Variants in PLBD1 observed in about 807,000 individuals in gnomAD.
PLBD1 encodes lysosomal leucine aminopeptidase.
A neutral mutation model predicts 63.0 loss-of-function variants in PLBD1; 60 were observed. The ratio of observed to expected loss-of-function variants is 0.95; its 90% CI spans 0.77 to 1.18. The LOEUF (loss-of-function observed/expected upper bound fraction) is 1.18. PLBD1 is among the 50% of genes most tolerant of loss of function. The pLI is 0.00. For synonymous variants in PLBD1, 262 were observed against 248.0 expected, an observed-to-expected ratio of 1.06 and a Z score of -0.53; for missense variants, 598 against 677.9, an observed-to-expected ratio of 0.88 and a Z score of 1.31.
chr12:14,530,929 A>G (rs902421491), intron 6 of PLBD1: 3 of 152,074 alleles, frequency 2.0e-5, no homozygotes, highest in African/African-American at 4.8e-5. Context: ...AGGGACAGAA[A>G]CTCCTAGAAC....
intron 5 of PLBD1, 155 bp from the exon 6 acceptor site, chr12:14,535,958 C>A: frequency 2.9e-6 from 2 of 690,732 alleles, no homozygotes; most frequent in Non-Finnish European, 2.3e-6. Flanking sequence ...TCAAGATTAA[C>A]CTTTAATGTG....
At chr12:14,543,094 A>G (rs1005307127) in intron 2 of PLBD1, among the ~76,000 whole-genome samples, 3 of 152,258 alleles carry the variant, frequency 2.0e-5, no homozygotes, top group Admixed American at 2.0e-4. Context: ...TGGGATTTTA[A>G]CATTCTTGGA....
At chr12:14,521,749 C>T (rs1237263912) in intron 6 of PLBD1, among the ~76,000 whole-genome samples, 1 of 151,842 alleles carries the variant, frequency 6.6e-6, no homozygotes, top group Non-Finnish European at 1.5e-5. Context: ...TATGAAAAAG[C>T]AAGAAAACAT....
intron 6 of PLBD1, among the ~76,000 whole-genome samples, chr12:14,532,550 A>G (rs940264296): frequency 1.6e-4 from 25 of 152,138 alleles, no homozygotes; most frequent in African/African-American, 6.0e-4. Context: ...GTTATGCACC[A>G]TCTTGCAAAA....
At chr12:14,540,424 C>T (rs1018983979) in intron 4 of PLBD1, among the ~76,000 whole-genome samples, 1 of 151,802 alleles carries the variant, frequency 6.6e-6, no homozygotes, top group Non-Finnish European at 1.5e-5. Context: ...AACTTGTATA[C>T]TTAAACATCT....
At chr12:14,543,384 G>T (rs1312327366) in intron 2 of PLBD1, among the ~76,000 whole-genome samples, 1 of 152,012 alleles carries the variant, frequency 6.6e-6, no homozygotes, top group African/African-American at 2.4e-5. Flanking sequence ...ATTGTTCAAA[G>T]ATTTAGTTTT....
At chr12:14,514,072 C>A (rs751341014) in intron 6 of PLBD1, among the ~76,000 whole-genome samples, 6 of 152,170 alleles carry the variant, frequency 3.9e-5, no homozygotes, top group Non-Finnish European at 7.3e-5. Context: ...AGCCACCGTG[C>A]CCGGCCCCAA....
At chr12:14,538,006 A>G (rs1003166529) in intron 4 of PLBD1, among the ~76,000 whole-genome samples, 4 of 151,824 alleles carry the variant, frequency 2.6e-5, no homozygotes, top group Non-Finnish European at 5.9e-5. Flanking sequence ...TGGCACTGTG[A>G]TCTTGGATCC....
At chr12:14,539,014 C>G (rs1309276007) in intron 4 of PLBD1, among the ~76,000 whole-genome samples, 2 of 151,808 alleles carry the variant, frequency 1.3e-5, no homozygotes, top group African/African-American at 4.9e-5. Context: ...TCGCGAGGCT[C>G]TGTCTCTAAA....
intron 6 of PLBD1, among the ~76,000 whole-genome samples, chr12:14,535,422 C>T (rs1945505265): frequency 6.6e-6 from 1 of 152,170 alleles, no homozygotes; most frequent in Admixed American, 6.5e-5. Flanking sequence ...TAGATGTAGC[C>T]ATTTACATTT....
At chr12:14,507,710 A>T (rs1490307690) in intron 8 of PLBD1, among the ~76,000 whole-genome samples, 1 of 151,962 alleles carries the variant, frequency 6.6e-6, no homozygotes. Flanking sequence ...ATGTAAGGGG[A>T]TTGGGGATGA....
At position 14,553,345 on chromosome 12, in the gene PLBD1, G is replaced by A. The variant is rs1945674988; in HGVS notation, c.183C>T (p.Asp61=). The part of the protein sequence containing the change: ...EKTVQVKNVM[D]KNGDAYGFYN... ...AAAAGCCATAGGCGTCCCCATTCTT[G>A]TCCATTACATTTTTGACTTGTACTG... Residue 61 remains aspartate (D), a synonymous_variant, in exon 2 of 11, where the codon GAC becomes GAT. Transcript: ENST00000240617. 1 of 1,614,012 alleles carries A rather than the reference G, an allele frequency of 6.2e-7. No individual in the cohort carries two copies.
chr12:14,553,568 G>A (rs953073789), intron 1 of PLBD1, 156 bp from the exon 2 acceptor site: 8 of 680,866 alleles, frequency 1.2e-5, no homozygotes, highest in Non-Finnish European at 2.0e-5. Flanking sequence ...TTAATTCCAA[G>A]TGGGGAAAAA....
chr12:14,550,739 G>A (rs986132764), intron 2 of PLBD1, among the ~76,000 whole-genome samples: 7 of 152,112 alleles, frequency 4.6e-5, no homozygotes, highest in Admixed American at 1.3e-4. Context: ...TTAGCCAGGC[G>A]TGGTGGCTCA....
intron 6 of PLBD1, among the ~76,000 whole-genome samples, chr12:14,523,438 TCAAAATAC>T (rs2136912622): frequency 6.6e-6 from 1 of 152,004 alleles, no homozygotes; most frequent in East Asian, 1.9e-4. Flanking sequence ...GCAATCTCTA[TCAAAATAC>T]CAATGACATT....
intron 6 of PLBD1, among the ~76,000 whole-genome samples, chr12:14,534,034 A>T (rs940170000): frequency 1.3e-5 from 2 of 152,078 alleles, no homozygotes; most frequent in African/African-American, 4.8e-5. Flanking sequence ...TGTAGTGTCA[A>T]CTACTTGGGA....
intron 6 of PLBD1, among the ~76,000 whole-genome samples, chr12:14,512,737 G>A (rs932851593): frequency 6.6e-6 from 1 of 152,216 alleles, no homozygotes; most frequent in Non-Finnish European, 1.5e-5. Flanking sequence ...AAGGACCTCA[G>A]TGGTAGGGTT....
intron 6 of PLBD1, among the ~76,000 whole-genome samples, chr12:14,529,809 G>C (rs900585301): frequency 2.0e-5 from 3 of 151,970 alleles, no homozygotes; most frequent in Non-Finnish European, 2.9e-5. Context: ...GACATACAAG[G>C]GATGGAAGAA....
At chr12:14,537,250 T>C (rs1945526981) in intron 4 of PLBD1, among the ~76,000 whole-genome samples, 1 of 152,224 alleles carries the variant, frequency 6.6e-6, no homozygotes, top group South Asian at 2.1e-4. Flanking sequence ...GAGTGGCTCC[T>C]TGGAGAGTAA....
Sources: gnomAD v4.1 joint callset for allele counts (sites outside exome capture counted in the v4.1 genomes callset) on GRCh38, gnomAD v4.1.1 for gene constraint, MANE v1.5 for transcripts, NCBI Gene and HGNC (gene_info 2026-07-23, HGNC 2026-07-21) for gene names.